Variants in NRG1 observed in about 807,000 individuals in gnomAD.
The protein encoded by NRG1 is neuregulin 1, also known as pro-neuregulin-1, membrane-bound isoform.
NRG1 carries 18 observed loss-of-function variants against 63.8 expected under a neutral mutation model. The observed-to-expected ratio is 0.28, with a 90% CI of 0.19 to 0.42. The LOEUF is 0.42. NRG1 is among the 10% of genes least tolerant of loss of function. The pLI is 1.00. For synonymous variants in NRG1, 302 were observed against 301.3 expected (o/e 1.00, Z -0.02); for missense variants, 762 against 814.7 (o/e 0.94, Z 0.79).
At chr8:31,686,677 A>G (rs1021955625) in intron 1 of NRG1, among the ~76,000 whole-genome samples, 1 of 152,178 alleles carries the variant, frequency 6.6e-6, no homozygotes, top group Non-Finnish European at 1.5e-5. Context: ...TTACTTTGTC[A>G]CAATGCTTCT....
chr8:32,246,021 A>T (rs1848564697), intron 1 of NRG1, among the ~76,000 whole-genome samples: 2 of 152,144 alleles, frequency 1.3e-5, no homozygotes, highest in Non-Finnish European at 2.9e-5. Flanking sequence ...GCTTTAAATG[A>T]GCATACCTAA....
intron 1 of NRG1, among the ~76,000 whole-genome samples, chr8:32,392,654 G>T (rs1322815887): frequency 6.6e-6 from 1 of 152,278 alleles, no homozygotes; most frequent in African/African-American, 2.4e-5. Flanking sequence ...ATATTATCCA[G>T]CAGAGGGAAT....
intron 1 of NRG1, among the ~76,000 whole-genome samples, chr8:32,286,145 G>C (rs554271797): frequency 6.6e-6 from 1 of 152,178 alleles, no homozygotes; most frequent in Non-Finnish European, 1.5e-5. Context: ...CCTACTGATG[G>C]CATCTTCAAT....
intron 1 of NRG1, among the ~76,000 whole-genome samples, chr8:32,426,808 G>A (rs1383145945): frequency 1.3e-5 from 2 of 152,286 alleles, no homozygotes; most frequent in South Asian, 4.2e-4. Context: ...GACATACACC[G>A]TAATGTCAGT....
At chr8:32,741,494 C>T (rs1826294377) in intron 6 of NRG1, among the ~76,000 whole-genome samples, 1 of 152,068 alleles carries the variant, frequency 6.6e-6, no homozygotes, top group African/African-American at 2.4e-5. Flanking sequence ...TGTCAATAAT[C>T]ATTATAGTGT....
chr8:32,605,359 T>C (rs2129539435), intron 2 of NRG1, among the ~76,000 whole-genome samples: 2 of 152,272 alleles, frequency 1.3e-5, no homozygotes, highest in African/African-American at 4.8e-5. Context: ...ATGAAATCCA[T>C]GGTACAACTT....
At chr8:31,944,120 CTTTTA>C (rs1474845042) in intron 1 of NRG1, among the ~76,000 whole-genome samples, 1 of 152,052 alleles carries the variant, frequency 6.6e-6, no homozygotes, top group Non-Finnish European at 1.5e-5. Flanking sequence ...TCTCCTTTTT[CTTTTA>C]TATGTGCTAA....
rs538516078 is a variant in NRG1, at chr8:32,358,524, A to G, written c.38-237304A>G. ...TATAGGAAAGTATTTAAGGAATATC[A>G]TCTGAAGCTCTGAATTAGAAGCTAT... On this transcript the variant is annotated intron_variant, in intron 1 of 10. Transcript: ENST00000519301. Among the ~76,000 whole-genome samples, 155 of 152,290 alleles carry G rather than the reference A, an allele frequency of 1.0e-3. 1 individual carries two copies. The highest frequency in any genetic ancestry group is 3.7e-3 in the African/African-American group (152 of 41,582).
At chr8:32,188,189 C>T (rs981112650) in intron 1 of NRG1, among the ~76,000 whole-genome samples, 3 of 152,088 alleles carry the variant, frequency 2.0e-5, no homozygotes, top group Non-Finnish European at 4.4e-5. Flanking sequence ...GCCTCAGCCT[C>T]CTCAGCCGCT....
intron 1 of NRG1, among the ~76,000 whole-genome samples, chr8:31,942,449 AG>A (rs1228170513): frequency 6.6e-6 from 1 of 152,100 alleles, no homozygotes; most frequent in Non-Finnish European, 1.5e-5. Context: ...AGATAACATC[AG>A]AAAAACCCTT....
chr8:32,522,187 T>G (rs1036188295), intron 1 of NRG1, among the ~76,000 whole-genome samples: 1 of 152,176 alleles, frequency 6.6e-6, no homozygotes, highest in Admixed American at 6.5e-5. Context: ...CACAGGTCCC[T>G]AGAGAGCCAC....
At chr8:32,282,359 C>T (rs563099096) in intron 1 of NRG1, among the ~76,000 whole-genome samples, 3 of 152,206 alleles carry the variant, frequency 2.0e-5, no homozygotes, top group African/African-American at 4.8e-5. Flanking sequence ...AATCCAGACT[C>T]CTCTAGTTGA....
chr8:32,169,083 C>A (rs1053013082), intron 1 of NRG1, among the ~76,000 whole-genome samples: 5 of 152,064 alleles, frequency 3.3e-5, no homozygotes, highest in Admixed American at 2.0e-4. Context: ...CCTTAGGAAA[C>A]GAAAATAATT....
chr8:31,989,677 C>T (rs1810727268), intron 1 of NRG1, among the ~76,000 whole-genome samples: 1 of 152,066 alleles, frequency 6.6e-6, no homozygotes, highest in Non-Finnish European at 1.5e-5. Context: ...GACAGTAATC[C>T]AATATAAGCA....
chr8:32,434,811 T>A lies in NRG1; in HGVS notation c.38-161017T>A, dbSNP rs554467967. 3.5e-4 allele frequency among the ~76,000 whole-genome samples: 53 copies of A among 152,048 alleles called. 1 individual carries two copies. The South Asian group carries it at 6.7e-3, about 19-fold the overall frequency. On this transcript the variant is annotated intron_variant, in intron 1 of 10. Coordinates refer to the NRG1 transcript ENST00000519301. The stretch of plus-strand genomic sequence containing the variant: ...GAGAGAAAATATTTGAAAAAAAAAA[T>A]TTAAAATAATACAAATAAAAACAAT...
At chr8:32,674,222 C>T (rs961991944) in intron 5 of NRG1, among the ~76,000 whole-genome samples, 2 of 152,070 alleles carry the variant, frequency 1.3e-5, no homozygotes. Flanking sequence ...CAGAGCTATC[C>T]AATTTTATTT....
intron 5 of NRG1, chr8:32,647,728 A>T (rs534293878): frequency 6.4e-7 from 1 of 1,567,210 alleles, no homozygotes; most frequent in African/African-American, 1.4e-5. Context: ...ATGGAGATTT[A>T]TTCCCCAGAC....
At chr8:31,664,496 A>T (rs1177640607) in intron 1 of NRG1, among the ~76,000 whole-genome samples, 1 of 152,204 alleles carries the variant, frequency 6.6e-6, no homozygotes, top group Non-Finnish European at 1.5e-5. Context: ...TCTCAAGAAG[A>T]ATTGAGAGTT....
intron 1 of NRG1, among the ~76,000 whole-genome samples, chr8:32,353,256 AATTAT>A (rs1344982804): frequency 2.7e-5 from 4 of 150,640 alleles, no homozygotes; most frequent in Non-Finnish European, 5.9e-5. Flanking sequence ...ATTATGATAC[AATTAT>A]ATTAATTTTG....
Sources: gnomAD v4.1 joint callset for allele counts (sites outside exome capture counted in the v4.1 genomes callset) on GRCh38, gnomAD v4.1.1 for gene constraint, MANE v1.5 for transcripts, NCBI Gene and HGNC (gene_info 2026-07-23, HGNC 2026-07-21) for gene names.